Variants in C6orf58 observed in about 807,000 individuals in gnomAD.
The protein encoded by C6orf58 is protein LEG1 homolog.
In C6orf58, 30 loss-of-function variants were observed where a neutral mutation model predicts 37.0. The observed-to-expected ratio is 0.81, with a 90% CI of 0.61 to 1.10. The LOEUF (loss-of-function observed/expected upper bound fraction) is 1.10, where lower values mean the gene tolerates loss of function less well. C6orf58 is among the 50% of genes least tolerant of loss of function. The pLI is 0.00. For missense variants in C6orf58, 368 were observed against 387.5 expected (o/e 0.95, Z 0.42); for synonymous variants, 143 against 134.1 (o/e 1.07, Z -0.46).
intron 3 of C6orf58, 107 bp downstream of exon 3, chr6:127,580,556 G>A (rs1176873131): frequency 2.6e-6 from 2 of 763,830 alleles, no homozygotes; most frequent in South Asian, 1.8e-5. Context: ...GTATGCAGAT[G>A]TAAATTGCTA....
At chr6:127,588,023 G>A (rs984386820) in intron 4 of C6orf58, among the ~76,000 whole-genome samples, 2 of 152,160 alleles carry the variant, frequency 1.3e-5, no homozygotes, top group African/African-American at 4.8e-5. Flanking sequence ...TTGTACAACT[G>A]TGTTTATTGC....
intron 1 of C6orf58, among the ~76,000 whole-genome samples, chr6:127,577,913 T>C (rs1255674937): frequency 2.6e-5 from 4 of 152,184 alleles, no homozygotes; most frequent in Non-Finnish European, 5.9e-5. Flanking sequence ...AGCATCACAT[T>C]GTTCATGAAG....
chr6:127,580,840 C>G (rs1775042161), intron 3 of C6orf58, among the ~76,000 whole-genome samples: 2 of 151,866 alleles, frequency 1.3e-5, no homozygotes, highest in South Asian at 2.1e-4. Flanking sequence ...TAGTTTAGAT[C>G]TAATGAAACA....
rs1775010466 is a variant in C6orf58 at position 127,578,191 on chromosome 6, A to G, written c.302-495A>G. On this transcript the variant is annotated intron_variant, in intron 1 of 5. Transcript: ENST00000329722. ...ATGATTATTTTCTAATATTTACATA[A>G]TGCATATTACAGGTGAAACACCTTT... Among the ~76,000 whole-genome samples, 4 of 152,134 alleles carry G rather than the reference A, an allele frequency of 2.6e-5. No homozygotes were observed. The South Asian group carries it at 8.3e-4, about 31-fold the overall frequency.
At chr6:127,580,194 G>T in intron 2 of C6orf58, 71 bp from the exon 3 acceptor site, 3 of 1,193,726 alleles carry the variant, frequency 2.5e-6, no homozygotes, top group Non-Finnish European at 3.6e-6. Context: ...TATGACTTAT[G>T]CCTTCCTTAA....
chr6:127,587,333 T>C (rs561576397), intron 4 of C6orf58, among the ~76,000 whole-genome samples: 3 of 152,320 alleles, frequency 2.0e-5, no homozygotes, highest in South Asian at 4.1e-4. Context: ...TATTGTGTTA[T>C]GGATAAATTT....
intron 4 of C6orf58, among the ~76,000 whole-genome samples, chr6:127,588,915 C>T (rs559421743): frequency 1.1e-4 from 17 of 152,138 alleles, no homozygotes; most frequent in African/African-American, 3.1e-4. Context: ...CATTGAATCC[C>T]GACCAAACAC....
rs528155946 is a variant in C6orf58 at position 127,583,080 on chromosome 6, G to A, written c.674+1798G>A. On this transcript the variant is annotated intron_variant, in intron 4 of 5. Coordinates refer to ENST00000329722, the MANE Select transcript of C6orf58 (RefSeq NM_001010905.3). ...GGTTATAAATTTGCCTACAAACGTC[G>A]AATTATCTTCCTTTTGTTTTTCAAA... Among the ~76,000 whole-genome samples, 22 of 152,130 alleles carry A rather than the reference G, an allele frequency of 1.4e-4. 1 individual carries two copies. The South Asian group carries it at 3.9e-3, about 27-fold the overall frequency.
intron 4 of C6orf58, among the ~76,000 whole-genome samples, chr6:127,588,693 A>G (rs961169387): frequency 2.6e-5 from 4 of 152,140 alleles, no homozygotes; most frequent in African/African-American, 9.7e-5. Flanking sequence ...CAACTGATGC[A>G]TTTGAAGAGT....
intron 4 of C6orf58, among the ~76,000 whole-genome samples, chr6:127,583,511 G>A (rs1247857882): frequency 2.0e-5 from 3 of 151,912 alleles, no homozygotes; most frequent in Admixed American, 1.3e-4. Context: ...CTTCTTCTGG[G>A]GAAAAAAAAC....
intron 3 of C6orf58, 139 bp downstream of exon 3, chr6:127,580,588 A>G: frequency 1.6e-6 from 1 of 612,224 alleles, no homozygotes; most frequent in Non-Finnish European, 2.9e-6. Flanking sequence ...TTAATAGTAT[A>G]TTGTAGAGTG....
At chr6:127,577,764 A>C (rs760531441) in intron 1 of C6orf58, among the ~76,000 whole-genome samples, 4 of 152,100 alleles carry the variant, frequency 2.6e-5, no homozygotes, top group Admixed American at 6.6e-5. Flanking sequence ...GCATTTCACA[A>C]ATATTTGTTG....
Position 127,577,198 on chromosome 6 carries a change from C to A in C6orf58, c.13C>A (p.Pro5Thr), listed in dbSNP as rs1243968007. 1 of 1,612,930 alleles carries A rather than the reference C, an allele frequency of 6.2e-7. No individual in the cohort carries two copies. Among genetic ancestry groups the A allele is most frequent in the African/African-American group, 1.3e-5 (1 of 74,842 alleles). MAFL[P>T]SWVCVLVGSF... ...CAGCTCTGGCACAATGGCTTTTCTT[C>A]CTTCCTGGGTTTGTGTACTAGTTGG... The change falls in exon 1 of 6, where the codon CCT (proline) becomes ACT (threonine). Residue 5 changes from proline (P) to threonine (T), a missense_variant. Physicochemically the swap from Pro to Thr is conservative, Grantham distance 38. Transcript: ENST00000329722.
intron 4 of C6orf58, among the ~76,000 whole-genome samples, chr6:127,586,478 C>T (rs1486117583): frequency 6.6e-6 from 1 of 152,202 alleles, no homozygotes; most frequent in African/African-American, 2.4e-5. Flanking sequence ...GGCTCCACCC[C>T]ATGCTGCCAG....
Position 127,591,551 on chromosome 6 carries a change from T to G in C6orf58, c.922T>G (p.Cys308Gly), listed in dbSNP as rs9491833. Residue 308 changes from cysteine (C) to glycine (G), a missense_variant, in exon 6 of 6, where the codon TGT (cysteine) becomes GGT (glycine). Coordinates refer to ENST00000329722, the MANE Select transcript of C6orf58 (RefSeq NM_001010905.3). Reference sequence around the variant, plus strand: ...TTTTGTATCTTTTACAGGTTATCTTTGTACAGAAAAATCTAATGTATATAG... The same window carrying G: ...TTTTGTATCTTTTACAGGTTATCTTGGTACAGAAAAATCTAATGTATATAG... The part of the protein sequence containing the change: ...DNVDKSIGYL[C>G]TEKSNVYRDH... The G allele has an allele frequency of 2.7e-3, 4,103 of 1,521,672 alleles. 90 individuals are homozygous for G. The African/African-American group carries it at 0.046, about 17-fold the overall frequency. The allele number at this position is 1,521,672 out of a possible 1,614,324, so 94.3% of individuals were successfully genotyped here.
intron 5 of C6orf58, 21 bp from the exon 6 acceptor site, chr6:127,591,522 A>G: frequency 6.6e-7 from 1 of 1,508,380 alleles, no homozygotes; most frequent in Non-Finnish European, 8.8e-7. Flanking sequence ...TTTACATGTA[A>G]TCATTTTGTA....
rs558482221 is a variant in C6orf58 at position 127,585,933 on chromosome 6, C to T, written c.675-4154C>T. Among the ~76,000 whole-genome samples, 19 of 152,254 alleles carry T rather than the reference C, an allele frequency of 1.2e-4. No homozygotes were observed. In the Middle Eastern group the frequency reaches 0.01, roughly 82 times the overall value. The stretch of plus-strand genomic sequence containing the variant: ...TTGCTCTTCTGTTTCTTGAACAAAA[C>T]GAAATATCCTCATATATTATAGCTT... On this transcript the variant is annotated intron_variant, in intron 4 of 5. Transcript: ENST00000329722.
At chr6:127,581,489 GA>G (rs1359660323) in intron 4 of C6orf58, among the ~76,000 whole-genome samples, 1 of 139,192 alleles carries the variant, frequency 7.2e-6, no homozygotes, top group Admixed American at 7.0e-5. Context: ...AAAATTTTGA[GA>G]AAAAAAAGCC....
In C6orf58 at chr6:127,580,280, T is replaced by G; in HGVS notation, c.404T>G (p.Leu135Arg). 1 of 1,610,572 alleles carries G rather than the reference T, an allele frequency of 6.2e-7. No homozygotes were observed. The highest frequency in any genetic ancestry group is 8.5e-7 in the Non-Finnish European group (1 of 1,177,740). ...DSWWADLNYF[L>R]SSLPFLAAVD... is the part of the protein sequence containing the mutation. ...GTTCTTACAGATTTGAATTATTTTCTGTCTTCATTACCCTTTCTTGCTGCG... is the reference window on the plus strand; with the variant it reads ...GTTCTTACAGATTTGAATTATTTTCGGTCTTCATTACCCTTTCTTGCTGCG... The change falls in exon 3 of 6, where the codon CTG (leucine) becomes CGG (arginine). Residue 135 changes from leucine to arginine, a missense_variant. By Grantham distance (102) the Leu-to-Arg change is moderately radical. Transcript: ENST00000329722.
Sources: allele counts gnomAD v4.1 joint callset (sites outside exome capture counted in the v4.1 genomes callset), GRCh38; gene constraint gnomAD v4.1.1; transcripts MANE v1.5; gene names NCBI Gene and HGNC (gene_info 2026-07-23, HGNC 2026-07-21).